Variants in TMEM132B observed in about 807,000 individuals in gnomAD.
The protein encoded by TMEM132B is transmembrane protein 132B.
TMEM132B carries 18 observed loss-of-function variants against 90.8 expected under a neutral mutation model. That is an observed-to-expected ratio of 0.20 (90% CI 0.14 to 0.29). The LOEUF is 0.29. Among genes scored for constraint, TMEM132B ranks in the 10% least tolerant of loss-of-function variants. The pLI is 1.00. For synonymous variants in TMEM132B, 504 were observed against 523.3 expected, an observed-to-expected ratio of 0.96 and a Z score of 0.50; for missense variants, 1,096 against 1,326.8, an observed-to-expected ratio of 0.83 and a Z score of 2.70.
At chr12:125,329,822 T>A (rs145689904) in intron 1 of TMEM132B, among the ~76,000 whole-genome samples, 2 of 152,308 alleles carry the variant, frequency 1.3e-5, no homozygotes, top group Non-Finnish European at 2.9e-5. Flanking sequence ...AGAGAGATTT[T>A]CCCCATGGAG....
chr12:125,534,035 G>A (rs1222630005), intron 4 of TMEM132B, among the ~76,000 whole-genome samples: 1 of 152,194 alleles, frequency 6.6e-6, no homozygotes, highest in Non-Finnish European at 1.5e-5. Flanking sequence ...ACTGTGGCTG[G>A]ACACGCAAGT....
At chr12:125,581,355 A>G (rs1180996862) in intron 4 of TMEM132B, among the ~76,000 whole-genome samples, 1 of 152,206 alleles carries the variant, frequency 6.6e-6, no homozygotes, top group Non-Finnish European at 1.5e-5. Flanking sequence ...TTGTATACCT[A>G]CATTTCCAAA....
At chr12:125,619,658 C>A (rs895012890) in intron 5 of TMEM132B, among the ~76,000 whole-genome samples, 2 of 152,144 alleles carry the variant, frequency 1.3e-5, no homozygotes, top group Admixed American at 6.5e-5. Context: ...AGCCACCATG[C>A]CCGGCCCTGC....
intron 2 of TMEM132B, among the ~76,000 whole-genome samples, chr12:125,351,364 G>A (rs924871076): frequency 6.6e-6 from 1 of 152,174 alleles, no homozygotes; most frequent in Non-Finnish European, 1.5e-5. Context: ...AGACCCTAAA[G>A]TCTACAGGAA....
intron 3 of TMEM132B, among the ~76,000 whole-genome samples, chr12:125,503,348 G>A (rs1592959665): frequency 1.3e-5 from 2 of 152,154 alleles, no homozygotes; most frequent in Non-Finnish European, 1.5e-5. Flanking sequence ...CAGCCACACA[G>A]CCTCTCATTA....
At chr12:125,535,271 A>G (rs1472162627) in intron 4 of TMEM132B, among the ~76,000 whole-genome samples, 6 of 152,052 alleles carry the variant, frequency 3.9e-5, no homozygotes, top group Non-Finnish European at 5.9e-5. Flanking sequence ...TTGTGTTGAG[A>G]ATTTTTGACT....
chr12:125,515,734 A>T (rs1387936493), intron 3 of TMEM132B, among the ~76,000 whole-genome samples: 3 of 151,628 alleles, frequency 2.0e-5, no homozygotes, highest in Non-Finnish European at 2.9e-5. Flanking sequence ...ACACACATTC[A>T]CACACATTCT....
intron 4 of TMEM132B, among the ~76,000 whole-genome samples, chr12:125,539,662 C>T (rs1488029511): frequency 6.6e-6 from 1 of 152,190 alleles, no homozygotes; most frequent in Non-Finnish European, 1.5e-5. Context: ...ATAATATTCC[C>T]CTATTATGCT....
chr12:125,628,457 G>T (rs1886285162), intron 5 of TMEM132B, among the ~76,000 whole-genome samples: 1 of 152,002 alleles, frequency 6.6e-6, no homozygotes, highest in African/African-American at 2.4e-5. Context: ...TTGATAAATG[G>T]CTATTCAAAT....
At chr12:125,631,898 G>T (rs1226920258) in intron 5 of TMEM132B, among the ~76,000 whole-genome samples, 3 of 151,868 alleles carry the variant, frequency 2.0e-5, no homozygotes, top group African/African-American at 7.3e-5. Context: ...TGTGTTTCTT[G>T]TAGGCAACAC....
chr12:125,241,407 T>C (rs1874064394), intron 1 of TMEM132B, among the ~76,000 whole-genome samples: 1 of 152,222 alleles, frequency 6.6e-6, no homozygotes, highest in Non-Finnish European at 1.5e-5. Context: ...CTATTTCAGC[T>C]GGGGTTTCAT....
chr12:125,404,331 A>G (rs563053669), intron 2 of TMEM132B, among the ~76,000 whole-genome samples: 214 of 152,260 alleles, frequency 1.4e-3, no homozygotes, highest in Non-Finnish European at 2.0e-3. Context: ...AAACGGAGAC[A>G]TTTGCCTTTG....
intron 2 of TMEM132B, among the ~76,000 whole-genome samples, chr12:125,359,803 G>C (rs374097840): frequency 1.3e-5 from 2 of 152,364 alleles, no homozygotes; most frequent in African/African-American, 4.8e-5. Flanking sequence ...AACAAGGCCA[G>C]GTGCAGTGGT....
At chr12:125,590,904 G>A (rs79630966) in intron 5 of TMEM132B, among the ~76,000 whole-genome samples, 1,658 of 152,238 alleles carry the variant, frequency 0.011, 26 homozygotes, top group African/African-American at 0.036. Flanking sequence ...TGGATACAGG[G>A]GTGAGAGTTC....
intron 2 of TMEM132B, among the ~76,000 whole-genome samples, chr12:125,363,237 A>G (rs1013783503): frequency 2.2e-4 from 33 of 152,338 alleles, no homozygotes; most frequent in African/African-American, 7.5e-4. Flanking sequence ...AAGGGTCCCC[A>G]GAGTTGCCAG....
intron 1 of TMEM132B, among the ~76,000 whole-genome samples, chr12:125,321,918 T>A (rs1876436451): frequency 6.6e-6 from 1 of 151,982 alleles, no homozygotes; most frequent in Admixed American, 6.5e-5. Context: ...AACCTAAATG[T>A]CCATCAACTA....
chr12:125,207,157 G>C (rs939338387), intron 1 of TMEM132B, among the ~76,000 whole-genome samples: 1 of 152,244 alleles, frequency 6.6e-6, no homozygotes, highest in Middle Eastern at 3.2e-3. Flanking sequence ...TTAAGAGCTA[G>C]AAGATTTAAT....
At chr12:125,315,225 G>A (rs962219473) in intron 1 of TMEM132B, among the ~76,000 whole-genome samples, 1 of 152,232 alleles carries the variant, frequency 6.6e-6, no homozygotes, top group African/African-American at 2.4e-5. Context: ...TTGAGACAGG[G>A]TCTCGCTCTG....
At chr12:125,265,256 A>G (rs1242475059) in intron 1 of TMEM132B, among the ~76,000 whole-genome samples, 2 of 152,100 alleles carry the variant, frequency 1.3e-5, no homozygotes, top group African/African-American at 2.4e-5. Context: ...GATACATTGC[A>G]AGATCCCCAG....
Sources: gnomAD v4.1 joint callset for allele counts (sites outside exome capture counted in the v4.1 genomes callset) on GRCh38, gnomAD v4.1.1 for gene constraint, MANE v1.5 for transcripts, NCBI Gene and HGNC (gene_info 2026-07-23, HGNC 2026-07-21) for gene names.